Variants in DGKH observed in about 807,000 individuals in gnomAD.
DGKH encodes DAG kinase eta.
A neutral mutation model predicts 159.3 loss-of-function variants in DGKH; 90 were observed. That is an observed-to-expected ratio of 0.57 (90% CI 0.48 to 0.67). DGKH has a LOEUF of 0.67. Among genes scored for constraint, DGKH ranks in the 30% least tolerant of loss-of-function variants. The pLI, the probability that DGKH is intolerant of heterozygous loss-of-function variation, is 0.00. For missense variants in DGKH, 1,181 were observed against 1,506.1 expected (o/e 0.78, Z 3.57); for synonymous variants, 536 against 553.8 (o/e 0.97, Z 0.45).
chr13:42,108,137 A>G (rs1286268072), intron 1 of DGKH, among the ~76,000 whole-genome samples: 1 of 152,138 alleles, frequency 6.6e-6, no homozygotes, highest in Non-Finnish European at 1.5e-5. Context: ...CCTGCTCACC[A>G]TCAGGAGGTT....
chr13:42,062,258 C>T (rs1882235688), intron 1 of DGKH, among the ~76,000 whole-genome samples: 1 of 152,174 alleles, frequency 6.6e-6, no homozygotes, highest in South Asian at 2.1e-4. Flanking sequence ...AGGTATCTCC[C>T]TTTTCCTATT....
chr13:42,194,827 G>C, intron 16 of DGKH, 58 bp from the exon 17 acceptor site: 11 of 1,536,558 alleles, frequency 7.2e-6, no homozygotes, highest in Admixed American at 2.1e-5. Flanking sequence ...TTATAGGAAC[G>C]TGCTTATTTT....
intron 29 of DGKH, among the ~76,000 whole-genome samples, chr13:42,226,446 G>A (rs1479717705): frequency 1.3e-5 from 2 of 152,150 alleles, no homozygotes; most frequent in African/African-American, 4.8e-5. Context: ...CCATTACTGG[G>A]TATATACCCA....
chr13:42,111,233 G>C (rs576537056), intron 1 of DGKH, among the ~76,000 whole-genome samples: 22 of 152,196 alleles, frequency 1.4e-4, no homozygotes, highest in African/African-American at 5.3e-4. Flanking sequence ...CATTGCAAGG[G>C]ACAAAGTACA....
chr13:42,144,991 G>A (rs1955686344), intron 3 of DGKH, among the ~76,000 whole-genome samples: 1 of 152,190 alleles, frequency 6.6e-6, no homozygotes, highest in Non-Finnish European at 1.5e-5. Context: ...TTGTGCCATG[G>A]CATTGATTCT....
chr13:42,194,280 C>G (rs993314007), intron 16 of DGKH, among the ~76,000 whole-genome samples: 1 of 152,178 alleles, frequency 6.6e-6, no homozygotes, highest in African/African-American at 2.4e-5. Flanking sequence ...GCAGGGACTA[C>G]AGGTGCATGC....
At chr13:42,092,403 G>T (rs2137750085) in intron 1 of DGKH, among the ~76,000 whole-genome samples, 1 of 89,648 alleles carries the variant, frequency 1.1e-5, no homozygotes. Context: ...ATATTATTCA[G>T]CCATGCAGCC....
At chr13:42,176,985 A>G (rs1956619586) in intron 12 of DGKH, among the ~76,000 whole-genome samples, 1 of 152,236 alleles carries the variant, frequency 6.6e-6, no homozygotes, top group Non-Finnish European at 1.5e-5. Flanking sequence ...CATTTTGACT[A>G]TTGTTTAACA....
intron 13 of DGKH, among the ~76,000 whole-genome samples, chr13:42,182,440 T>A (rs1485157369): frequency 6.7e-6 from 1 of 149,826 alleles, no homozygotes; most frequent in Non-Finnish European, 1.5e-5. Context: ...AGGACCCCCT[T>A]GGATACCAAT....
At chr13:42,127,065 C>G (rs1262644237) in intron 1 of DGKH, among the ~76,000 whole-genome samples, 2 of 152,188 alleles carry the variant, frequency 1.3e-5, no homozygotes, top group Admixed American at 6.5e-5. Context: ...TGCCTGAGAT[C>G]ATCCAGCTAC....
Position 42,190,412 on chromosome 13 carries a change from A to C in DGKH, c.1922A>C (p.Asp641Ala), listed in dbSNP as rs1429279444. 2 of 1,607,258 alleles carry C rather than the reference A, an allele frequency of 1.2e-6. No individual in the cohort carries two copies. Among genetic ancestry groups the C allele is most frequent in the Middle Eastern group, 1.7e-4 (1 of 6,034 alleles). The change falls in exon 16 of 30, where the codon GAC becomes GCC. Residue 641 changes from aspartate (D) to alanine (A), a missense_variant. Asp to Ala is a moderately radical substitution (Grantham distance 126). Coordinates refer to ENST00000337343, the MANE Select transcript of DGKH (RefSeq NM_178009.5). Reference sequence around the variant, plus strand: ...TTCTTACTACCTGAAGTTATGGATGACCCGACAGTTCACCCCTGTGAACCA... The same window carrying C: ...TTCTTACTACCTGAAGTTATGGATGCCCCGACAGTTCACCCCTGTGAACCA... ...VIEEAGKVMD[D>A]PTVHPCEPAN...
chr13:42,209,355 T>C lies in DGKH; in HGVS notation c.2740T>C (p.Phe914Leu), dbSNP rs1423578483. 6.2e-7 allele frequency: 1 copy of C among 1,613,254 alleles called. No homozygotes were observed. The highest frequency in any genetic ancestry group is 1.7e-5 in the Admixed American group (1 of 59,778). The change falls in exon 23 of 30, where the codon TTT (phenylalanine) becomes CTT (leucine). Residue 914 changes from phenylalanine (F) to leucine (L), a missense_variant. By Grantham distance (22) the Phe-to-Leu change is conservative. Around this residue, in one of 5 missense-constraint regions of DGKH, gnomAD observed 335 missense variants for 495.2 expected, o/e 0.68. Transcript: ENST00000337343. ...GTGCCGTACAGTGAAAATCACTATA[T>C]TTGGTGACGAAGGAGTCCCAGTGCA... ...AQCRTVKITI[F>L]GDEGVPVQVD...
In DGKH at chr13:42,170,337, C is replaced by T. The variant is rs539475171; in HGVS notation, c.1367+1519C>T. On this transcript the variant is annotated intron_variant, in intron 11 of 29. Coordinates refer to ENST00000337343, the MANE Select transcript of DGKH (RefSeq NM_178009.5). ...CCGATGTGGGAGGATCACTTGAGCC[C>T]AGGAGGTGGAGGTGGCAGTGAGCCA... is the stretch of plus-strand genomic sequence containing the variant. Among the ~76,000 whole-genome samples, 32 of 152,240 alleles carry T rather than the reference C, an allele frequency of 2.1e-4. 1 individual carries two copies. In the South Asian group the frequency reaches 6.4e-3, roughly 31 times the overall value.
At chr13:42,044,489 C>T (rs1880695347), upstream of DGKH, among the ~76,000 whole-genome samples, 1 of 152,086 alleles carries the variant, frequency 6.6e-6, no homozygotes, top group Non-Finnish European at 1.5e-5. Flanking sequence ...CGGGGTTTCA[C>T]CTTGTTAGCC....
chr13:42,147,573 T>G (rs966732043), intron 3 of DGKH, among the ~76,000 whole-genome samples: 11 of 152,202 alleles, frequency 7.2e-5, no homozygotes, highest in Admixed American at 5.2e-4. Context: ...TAAAAGAGCT[T>G]GTGCCAAGGG....
At chr13:42,207,024 T>TTTCTTTCTTTCTTTC (rs1594206771) in intron 21 of DGKH, among the ~76,000 whole-genome samples, 2 of 50,174 alleles carry the variant, frequency 4.0e-5, no homozygotes, top group Non-Finnish European at 9.1e-5. Context: ...TCTTTCTTTC[T>TTTCTTTCTTTCTTTC]TTTTCTTTCT....
intron 1 of DGKH, among the ~76,000 whole-genome samples, chr13:42,122,525 T>C (rs1413531486): frequency 6.6e-6 from 1 of 152,194 alleles, no homozygotes; most frequent in Non-Finnish European, 1.5e-5. Flanking sequence ...GTTAGCCCAT[T>C]GATCCATTAA....
At chr13:42,129,746 T>C in intron 3 of DGKH, 114 bp downstream of exon 3, 3 of 893,346 alleles carry the variant, frequency 3.4e-6, no homozygotes, top group Non-Finnish European at 5.2e-6. Flanking sequence ...CATGTTGGAG[T>C]TCCTACCAAC....
chr13:42,251,572 T>C (rs1323379121), intron 29 of DGKH, among the ~76,000 whole-genome samples: 1 of 152,174 alleles, frequency 6.6e-6, no homozygotes, highest in African/African-American at 2.4e-5. Flanking sequence ...CAAGCTCTCC[T>C]CTGATTTCTC....
Sources: allele counts gnomAD v4.1 joint callset (sites outside exome capture counted in the v4.1 genomes callset), GRCh38; gene constraint gnomAD v4.1.1; regional missense constraint gnomAD v4.1.1; transcripts MANE v1.5; gene names NCBI Gene and HGNC (gene_info 2026-07-23, HGNC 2026-07-21).